The following TRERF1 variants were observed in gnomAD, a reference collection of about 807,000 sequenced individuals.
TRERF1 encodes transcriptional-regulating factor 1.
In TRERF1, 27 loss-of-function variants were observed where a neutral mutation model predicts 122.9. The ratio of observed to expected loss-of-function variants is 0.22; its 90% CI spans 0.16 to 0.30. TRERF1 has a LOEUF of 0.30. Ranked by LOEUF, TRERF1 falls within the 10% of genes least tolerant of loss-of-function variation. The pLI, the probability that TRERF1 is intolerant of heterozygous loss-of-function variation, is 1.00. For missense variants in TRERF1, 1,248 were observed against 1,560.3 expected (o/e 0.80, Z 3.37); for synonymous variants, 636 against 641.7 (o/e 0.99, Z 0.13).
chr6:42,243,276 C>T lies in TRERF1; in HGVS notation c.2831G>A (p.Arg944His), dbSNP rs766766466. ...ACAATCGTCGATGATTTCTGCCAGG[C>T]GTGTCCGGTGTTTCCGCCCCAGCCG... is the stretch of plus-strand genomic sequence containing the variant. The change falls in exon 15 of 18, where the codon CGC becomes CAC. Residue 944 changes from arginine (R) to histidine (H), a missense_variant. Transcript: ENST00000372922. 4.6e-5 allele frequency: 74 copies of T among 1,614,024 alleles called. 2 individuals carry two copies. The highest frequency in any genetic ancestry group is 6.7e-5 in the Admixed American group (4 of 60,002).
intron 3 of TRERF1, among the ~76,000 whole-genome samples, chr6:42,308,116 G>A (rs1327554744): frequency 6.6e-6 from 1 of 152,070 alleles, no homozygotes. Context: ...CTGCTTCTAG[G>A]TATATACCCC....
At chr6:42,420,018 G>A (rs1782534053) in intron 2 of TRERF1, among the ~76,000 whole-genome samples, 1 of 152,142 alleles carries the variant, frequency 6.6e-6, no homozygotes, top group African/African-American at 2.4e-5. Flanking sequence ...TAGAAGATTT[G>A]TCTTTTATTT....
chr6:42,240,669 A>G (rs1302280845), intron 15 of TRERF1, among the ~76,000 whole-genome samples: 1 of 152,210 alleles, frequency 6.6e-6, no homozygotes, highest in East Asian at 1.9e-4. Context: ...TCTGGATCTC[A>G]TTGCATACTG....
intron 4 of TRERF1, among the ~76,000 whole-genome samples, chr6:42,287,282 T>TA (rs1487869467): frequency 6.8e-6 from 1 of 146,946 alleles, no homozygotes; most frequent in African/African-American, 2.6e-5. Flanking sequence ...CCCTAAAACT[T>TA]AAAGTATAAT....
chr6:42,449,232 C>T (rs928750641), intron 2 of TRERF1, among the ~76,000 whole-genome samples: 1 of 152,244 alleles, frequency 6.6e-6, no homozygotes, highest in African/African-American at 2.4e-5. Context: ...CAAAATTAAT[C>T]TTCTCATACA....
At chr6:42,349,616 T>A (rs1282744016) in intron 3 of TRERF1, among the ~76,000 whole-genome samples, 1 of 152,092 alleles carries the variant, frequency 6.6e-6, no homozygotes, top group Non-Finnish European at 1.5e-5. Flanking sequence ...AAGACAATCA[T>A]AAGCAATAAA....
chr6:42,329,882 C>T lies in TRERF1; in HGVS notation c.-370-29133G>A, dbSNP rs576906059. ...GGGGCGCCTGTAATCCCAGCTACTCCGGAGGCTGAGGCAGGAGAATGGCAT... is the reference window on the plus strand; with the variant it reads ...GGGGCGCCTGTAATCCCAGCTACTCTGGAGGCTGAGGCAGGAGAATGGCAT... On this transcript the variant is annotated intron_variant, in intron 3 of 17. Coordinates refer to ENST00000372922, the Ensembl canonical transcript of TRERF1. 4.7e-4 allele frequency among the ~76,000 whole-genome samples: 71 copies of T among 151,874 alleles called. No homozygotes were observed. In the South Asian group the frequency reaches 5.6e-3, roughly 12 times the overall value.
chr6:42,299,200 T>TTCTG (rs1554152359), intron 4 of TRERF1, among the ~76,000 whole-genome samples: 2 of 146,598 alleles, frequency 1.4e-5, no homozygotes, highest in African/African-American at 2.5e-5. Context: ...GTCTGTTTTT[T>TTCTG]TCTATCTATC....
intron 3 of TRERF1, among the ~76,000 whole-genome samples, chr6:42,325,969 G>C (rs1221025085): frequency 2.0e-5 from 3 of 152,166 alleles, no homozygotes; most frequent in Non-Finnish European, 4.4e-5. Flanking sequence ...TCACTTATGA[G>C]TGGGAGCTAA....
rs181342419 is a variant in TRERF1 at position 42,382,350 on chromosome 6, C to T, written c.-453-19271G>A. Among the ~76,000 whole-genome samples the T allele has an allele frequency of 3.4e-3, 511 of 151,474 alleles. 3 individuals are homozygous for T. The highest frequency in any genetic ancestry group is 0.01 in the Middle Eastern group (3 of 294). On this transcript the variant is annotated intron_variant, in intron 2 of 17. Transcript: ENST00000372922. ...AGCCTCAGGTTAAAACATTTTATCT[C>T]CCGTGTCTAGAGTATCCTTAAGAGA...
Position 42,263,816 on chromosome 6 carries a change from T to TA in TRERF1, c.1636-249dup, listed in dbSNP as rs575674999. On this transcript the variant is annotated intron_variant, in intron 7 of 17. Coordinates refer to ENST00000372922, the Ensembl canonical transcript of TRERF1. The surrounding 1 kb of genome is among the most constrained non-coding windows in gnomAD (Gnocchi z 5.6). The stretch of plus-strand genomic sequence containing the variant: ...GCATTACTTGTGTATTAAACTATTT[T>TA]AAAAAAATTGTGTGGTTGTCATGCT... Among the ~76,000 whole-genome samples the TA allele has an allele frequency of 2.0e-5, 3 of 152,194 alleles. No homozygotes were observed. Among genetic ancestry groups the TA allele is most frequent in the East Asian group, 3.8e-4 (2 of 5,202 alleles).
At chr6:42,338,431 A>T (rs1328900948) in intron 3 of TRERF1, among the ~76,000 whole-genome samples, 3 of 152,224 alleles carry the variant, frequency 2.0e-5, no homozygotes, top group Non-Finnish European at 4.4e-5. Context: ...TATGAAATTC[A>T]AAATGGTGCT....
chr6:42,386,750 T>C (rs558306849), intron 2 of TRERF1, among the ~76,000 whole-genome samples: 1 of 152,300 alleles, frequency 6.6e-6, no homozygotes, highest in South Asian at 2.1e-4. Flanking sequence ...TCTCTGGAGC[T>C]GGGGGGTTGC....
intron 11 of TRERF1, 42 bp from the exon 12 acceptor site, chr6:42,256,873 A>G (rs1561838451): frequency 5.0e-6 from 8 of 1,612,812 alleles, no homozygotes; most frequent in Non-Finnish European, 6.8e-6. Flanking sequence ...GAGAGAGCTG[A>G]GTGTAATGGA....
Position 42,399,684 on chromosome 6 carries a change from T to C in TRERF1, c.-453-36605A>G, listed in dbSNP as rs150111029. 2.9e-3 allele frequency among the ~76,000 whole-genome samples: 446 copies of C among 152,254 alleles called. 3 individuals are homozygous for C. The highest frequency in any genetic ancestry group is 0.01 in the African/African-American group (416 of 41,540). ...AGTCTGTTCCAGGCCTAATGCTGAT[T>C]TGAAGTAACCAGAACTTGACCATGG... On this transcript the variant is annotated intron_variant, in intron 2 of 17. Coordinates refer to ENST00000372922, the Ensembl canonical transcript of TRERF1.
intron 15 of TRERF1, among the ~76,000 whole-genome samples, chr6:42,241,848 A>G (rs1386130800): frequency 6.6e-6 from 1 of 152,230 alleles, no homozygotes; most frequent in Non-Finnish European, 1.5e-5. Flanking sequence ...TAATCCCAGC[A>G]CTTTGGGAAG....
At chr6:42,415,712 AT>A (rs1483165271) in intron 2 of TRERF1, among the ~76,000 whole-genome samples, 2 of 152,186 alleles carry the variant, frequency 1.3e-5, no homozygotes, top group Non-Finnish European at 2.9e-5. Flanking sequence ...ATTCTGTCCC[AT>A]CACTTATTCA....
intron 2 of TRERF1, among the ~76,000 whole-genome samples, chr6:42,404,019 C>A (rs1275306011): frequency 1.3e-5 from 2 of 152,100 alleles, no homozygotes; most frequent in Non-Finnish European, 2.9e-5. Flanking sequence ...TCCGTGGGTG[C>A]CTCTCCGGCC....
At chr6:42,280,247 C>A (rs1351092434) in intron 4 of TRERF1, among the ~76,000 whole-genome samples, 1 of 152,182 alleles carries the variant, frequency 6.6e-6, no homozygotes, top group Non-Finnish European at 1.5e-5. Context: ...TGGGAGTCAA[C>A]AAACAAACCC....
Sources: gnomAD v4.1 joint callset for allele counts (sites outside exome capture counted in the v4.1 genomes callset) on GRCh38, gnomAD v4.1.1 for gene constraint, Gnocchi (gnomAD v3.1) non-coding constraint, MANE v1.5 for transcripts, NCBI Gene and HGNC (gene_info 2026-07-23, HGNC 2026-07-21) for gene names.